Variants in DIO2 observed in about 807,000 individuals in gnomAD.
DIO2 encodes the protein iodothyronine deiodinase 2, also known as type II iodothyronine deiodinase.
Under a neutral mutation model 21.4 loss-of-function variants are expected in DIO2, and 19 were observed. The observed-to-expected ratio is 0.89, with a 90% confidence interval of 0.62 to 1.30. DIO2 has a LOEUF of 1.30. Among genes scored for constraint, DIO2 ranks in the 50% most tolerant of loss-of-function variants. DIO2 has a pLI of 0.00. For missense variants in DIO2, 302 were observed against 338.1 expected (o/e 0.89, Z 0.84); for synonymous variants, 122 against 132.9 (o/e 0.92, Z 0.57).
Position 80,202,544 on chromosome 14 carries a change from G to A in DIO2, c.*145C>T. 1.2e-6 allele frequency: 1 copy of A among 829,372 alleles called. No homozygotes were observed. Among genetic ancestry groups the A allele is most frequent in the African/African-American group, 1.7e-5 (1 of 58,422 alleles). The allele number at this position is 829,372 out of a possible 1,614,324, so 51.4% of individuals were successfully genotyped here. A position where few individuals can be genotyped will look rare whatever the true frequency, so the allele number is the denominator to read the frequency against. On this transcript the variant is annotated 3_prime_UTR_variant, in exon 2 of 2. Transcript: ENST00000438257. ...ATTTGAGTAGTGAAAGAAGTATGGA[G>A]CTGTTAGAGATTCATGTTCTTCCGA...
chr14:80,203,318 G>T, intron 1 of DIO2, 30 bp from the exon 2 acceptor site: 1 of 1,481,014 alleles, frequency 6.8e-7, no homozygotes, highest in South Asian at 1.4e-5. Context: ...AAAAGAAGAA[G>T]AAGAAGAAGG....
At chr14:80,223,832 C>A in intron 2 of DIO2, among the ~76,000 whole-genome samples, 1 of 152,150 alleles carries the variant, frequency 6.6e-6, no homozygotes, top group East Asian at 1.9e-4. Flanking sequence ...TAAATAAAAT[C>A]CACAAAGCAG....
intron 2 of DIO2, among the ~76,000 whole-genome samples, chr14:80,226,146 T>G (rs551124172): frequency 6.6e-6 from 1 of 152,310 alleles, no homozygotes; most frequent in South Asian, 2.1e-4. Flanking sequence ...ATATATTGGA[T>G]GCTGATTCAG....
At chr14:80,205,320 C>T (rs1369755390) in intron 1 of DIO2, among the ~76,000 whole-genome samples, 1 of 152,044 alleles carries the variant, frequency 6.6e-6, no homozygotes, top group Non-Finnish European at 1.5e-5. Context: ...CTGTGTGCCT[C>T]AACGTACCGT....
rs1887548525 is a variant in DIO2, at chr14:80,198,028, T to A, written c.*4661A>T. ...TCACATCCCCCAATCCTAATACACA[T>A]AAAAACCACGCTGACCAGTGACATG... On this transcript the variant is annotated 3_prime_UTR_variant, in exon 2 of 2. Coordinates refer to ENST00000438257, the MANE Select transcript of DIO2 (RefSeq NM_013989.5). 6.6e-6 allele frequency: 1 copy of A among 152,608 alleles called. No individual in the cohort carries two copies. Among genetic ancestry groups the A allele is most frequent in the South Asian group, 2.1e-4 (1 of 4,830 alleles). 9.5% of individuals were successfully genotyped at this position (152,608 alleles called of 1,614,324 possible).
rs754624456 is a variant in DIO2, at chr14:80,205,763, C to G, written c.223-2475G>C. ...AAAATAAAAAAATTAGGAAAGTTACCAAATTCGTAATGCTCTTTATGGGGG... is the reference window on the plus strand; with the variant it reads ...AAAATAAAAAAATTAGGAAAGTTACGAAATTCGTAATGCTCTTTATGGGGG... On this transcript the variant is annotated intron_variant, in intron 1 of 1. Transcript: ENST00000438257. 3.2e-6 allele frequency: 4 copies of G among 1,255,394 alleles called. No individual in the cohort carries two copies. The Admixed American group carries it at 1.2e-4, about 37-fold the overall frequency. 77.8% of individuals were successfully genotyped at this position (1,255,394 alleles called of 1,614,324 possible).
rs117192515 is a variant in DIO2, at chr14:80,226,588, C to T, written c.-277-9851G>A. Among the ~76,000 whole-genome samples the T allele has an allele frequency of 8.4e-3, 1,283 of 152,296 alleles. 7 individuals carry two copies. Among genetic ancestry groups the T allele is most frequent in the Middle Eastern group, 0.054 (16 of 294 alleles). On this transcript the variant is annotated intron_variant, in intron 2 of 4. Transcript: ENST00000553594. ...ATCACCCCAAGGAATGGTGCCATAC[C>T]AAGAACTCAGTGTTGGTCTCTGCTG... is the stretch of plus-strand genomic sequence containing the variant.
chr14:80,212,301 A>G (rs555160304), upstream of DIO2: 1 of 151,924 alleles, frequency 6.6e-6, no homozygotes, highest in African/African-American at 2.4e-5. Flanking sequence ...TACTTTGGCC[A>G]GGATTGCAGT....
chr14:80,212,772 T>C (rs1888256809), upstream of DIO2, among the ~76,000 whole-genome samples: 1 of 151,558 alleles, frequency 6.6e-6, no homozygotes. Context: ...TTGAGTACCA[T>C]CCCAGCATTT....
At chr14:80,228,613 C>G (rs1301101104) in intron 2 of DIO2, among the ~76,000 whole-genome samples, 1 of 152,148 alleles carries the variant, frequency 6.6e-6, no homozygotes, top group Non-Finnish European at 1.5e-5. Context: ...CTAATGGATT[C>G]TATTTGGCTT....
upstream of DIO2, among the ~76,000 whole-genome samples, chr14:80,213,565 G>T (rs996422074): frequency 6.6e-5 from 10 of 152,070 alleles, no homozygotes; most frequent in East Asian, 1.9e-4. Flanking sequence ...ATGCCTTTAG[G>T]TTCCGTGAGA....
intron 2 of DIO2, among the ~76,000 whole-genome samples, chr14:80,220,514 T>G (rs1888445679): frequency 6.6e-6 from 1 of 152,178 alleles, no homozygotes; most frequent in African/African-American, 2.4e-5. Context: ...ATTTTGGGGT[T>G]GGCCAGGTAC....
chr14:80,206,135 T>C (rs1487837074), intron 1 of DIO2: 3 of 802,196 alleles, frequency 3.7e-6, no homozygotes, highest in East Asian at 5.6e-5. Flanking sequence ...ATGTCATAAA[T>C]GGATATGCTT....
rs538630562 is a variant in DIO2 at position 80,199,210 on chromosome 14, A to G, written c.*3479T>C. The G allele has an allele frequency of 6.6e-6, 1 of 152,334 alleles. No homozygotes were observed. The highest frequency in any genetic ancestry group is 2.1e-4 in the South Asian group (1 of 4,820). The allele number at this position is 152,334 out of a possible 1,614,324, so 9.4% of individuals were successfully genotyped here. ...CAGCACCAACATGTGACCTCACCAT[A>G]TTTCATAATTTTTATTTCAGAGCCC... On this transcript the variant is annotated 3_prime_UTR_variant, in exon 2 of 2. Transcript: ENST00000438257.
chr14:80,217,046 GC>G (rs1888376545), intron 2 of DIO2, among the ~76,000 whole-genome samples: 1 of 152,140 alleles, frequency 6.6e-6, no homozygotes, highest in Non-Finnish European at 1.5e-5. Context: ...CCCAATGAGA[GC>G]AAAGGATGCC....
At chr14:80,210,368 C>G (rs576960794) in intron 1 of DIO2, among the ~76,000 whole-genome samples, 1 of 152,270 alleles carries the variant, frequency 6.6e-6, no homozygotes, top group East Asian at 1.9e-4. Context: ...GTATTTTTCA[C>G]TTAGAAACTA....
Position 80,211,466 on chromosome 14 carries a change from T to C in DIO2, c.7A>G (p.Ile3Val). 1.2e-6 allele frequency: 2 copies of C among 1,601,692 alleles called. No individual in the cohort carries two copies. Among genetic ancestry groups the C allele is most frequent in the Non-Finnish European group, 8.5e-7 (1 of 1,173,872 alleles). The change falls in exon 1 of 2, where the codon ATC becomes GTC. Residue 3 changes from isoleucine (I) to valine (V), a missense_variant. Coordinates refer to ENST00000438257, the MANE Select transcript of DIO2 (RefSeq NM_013989.5). MG[I>V]LSVDLLITLQ... The stretch of plus-strand genomic sequence containing the variant: ...GTGATCAGCAAGTCTACGCTGAGGA[T>C]GCCCATCTTCTCTGCCTCCTGAGTC...
At chr14:80,210,906 A>C (rs531814376) in intron 1 of DIO2, among the ~76,000 whole-genome samples, 1 of 152,336 alleles carries the variant, frequency 6.6e-6, no homozygotes, top group South Asian at 2.1e-4. Context: ...TTATGGCAAG[A>C]GCAGAATAAA....
At chr14:80,225,320 T>C (rs999724429) in intron 2 of DIO2, among the ~76,000 whole-genome samples, 1 of 152,108 alleles carries the variant, frequency 6.6e-6, no homozygotes, top group African/African-American at 2.4e-5. Context: ...AAGACAATAA[T>C]AAGGTCATAA....
Sources: allele counts gnomAD v4.1 joint callset (sites outside exome capture counted in the v4.1 genomes callset), GRCh38; gene constraint gnomAD v4.1.1; transcripts MANE v1.5; gene names NCBI Gene and HGNC (gene_info 2026-07-23, HGNC 2026-07-21).